The following CLXN variants were observed in gnomAD, a reference collection of about 807,000 sequenced individuals.
CLXN encodes the protein EF-hand calcium binding domain 1.
chr8:48,718,492 C>T, the CLXN span, among the ~76,000 whole-genome samples: 1 of 152,064 alleles, frequency 6.6e-6, no homozygotes, highest in East Asian at 1.9e-4. Context: ...ACAGAACTTT[C>T]TATCCAACAA....
At chr8:48,725,517 A>G in the CLXN span, among the ~76,000 whole-genome samples, 7 of 152,124 alleles carry the variant, frequency 4.6e-5, no homozygotes, top group African/African-American at 1.4e-4. Flanking sequence ...TAAAATTCTA[A>G]TGGGAGCCAG....
At chr8:48,716,868 G>C in the CLXN span, among the ~76,000 whole-genome samples, 3 of 152,304 alleles carry the variant, frequency 2.0e-5, no homozygotes, top group Middle Eastern at 0.01. Flanking sequence ...ATCAGAAGGA[G>C]AAGAGAAAGA....
At chr8:48,729,473 T>C in the CLXN span, among the ~76,000 whole-genome samples, 2 of 151,252 alleles carry the variant, frequency 1.3e-5, no homozygotes, top group African/African-American at 4.9e-5. Flanking sequence ...CAGTGAGCTG[T>C]GATCATGCTA....
chr8:48,711,348 T>C, the CLXN span: 1 of 152,218 alleles, frequency 6.6e-6, no homozygotes, highest in East Asian at 1.9e-4. Context: ...CAGGTGGTGG[T>C]CTCTACCTCT....
the CLXN span, among the ~76,000 whole-genome samples, chr8:48,726,405 C>T: frequency 6.7e-6 from 1 of 149,960 alleles, no homozygotes; most frequent in African/African-American, 2.5e-5. Context: ...ACCCATCCAT[C>T]TGCTCACCTC....
chr8:48,726,160 A>G, the CLXN span, among the ~76,000 whole-genome samples: 4 of 104,218 alleles, frequency 3.8e-5, no homozygotes, highest in Admixed American at 4.2e-4. Flanking sequence ...CCATCCACCC[A>G]CCCACCCCAT....
the CLXN span, chr8:48,711,319 C>T: frequency 6.6e-6 from 1 of 152,132 alleles, no homozygotes; most frequent in Non-Finnish European, 1.5e-5. Context: ...AGTCTGGCTT[C>T]CACCATTCTC....
At chr8:48,717,562 G>C in the CLXN span, among the ~76,000 whole-genome samples, 3 of 152,066 alleles carry the variant, frequency 2.0e-5, no homozygotes, top group Non-Finnish European at 4.4e-5. Flanking sequence ...ATAAAAACAT[G>C]GTAAGCAGCA....
the CLXN span, chr8:48,735,235 G>C: frequency 4.6e-6 from 7 of 1,508,380 alleles, no homozygotes; most frequent in Admixed American, 1.7e-5. Context: ...CGCGAGCCCT[G>C]GTGCTGGGTC....
chr8:48,719,614 A>G, the CLXN span, among the ~76,000 whole-genome samples: 11 of 152,244 alleles, frequency 7.2e-5, no homozygotes, highest in Admixed American at 6.5e-4. Flanking sequence ...ATGCTTCAGC[A>G]TATGCAAATC....
the CLXN span, chr8:48,724,263 C>T: frequency 6.6e-6 from 1 of 152,322 alleles, no homozygotes; most frequent in African/African-American, 2.4e-5. Context: ...AGATCTCCCT[C>T]AATGCCTACC....
the CLXN span, chr8:48,723,534 C>G: frequency 6.6e-6 from 1 of 152,188 alleles, no homozygotes; most frequent in Non-Finnish European, 1.5e-5. Context: ...CAACTAGCCT[C>G]TCAGTATTTA....
At chr8:48,733,747 T>C in the CLXN span, among the ~76,000 whole-genome samples, 1 of 152,200 alleles carries the variant, frequency 6.6e-6, no homozygotes, top group Non-Finnish European at 1.5e-5. Context: ...CCTTTAAAAA[T>C]ATACACTCAC....
the CLXN span, among the ~76,000 whole-genome samples, chr8:48,733,754 T>G: frequency 6.6e-6 from 1 of 152,166 alleles, no homozygotes; most frequent in African/African-American, 2.4e-5. Flanking sequence ...AAATATACAC[T>G]CACCTTTTGA....
the CLXN span, chr8:48,730,449 A>T: frequency 1.3e-6 from 1 of 746,248 alleles, no homozygotes. Context: ...CAACAAACCC[A>T]CTTTACTGTC....
At chr8:48,726,753 C>A in the CLXN span, among the ~76,000 whole-genome samples, 1 of 149,700 alleles carries the variant, frequency 6.7e-6, no homozygotes, top group East Asian at 2.0e-4. Flanking sequence ...ACCCATCCAT[C>A]CATCCATCTA....
At chr8:48,724,623 C>T in the CLXN span, 2 of 720,672 alleles carry the variant, frequency 2.8e-6, no homozygotes, top group Non-Finnish European at 4.4e-6. Flanking sequence ...GTAAGTGAAC[C>T]TCATCTTCAC....
the CLXN span, chr8:48,729,938 T>A: frequency 6.8e-7 from 1 of 1,470,212 alleles, no homozygotes; most frequent in Non-Finnish European, 9.2e-7. Flanking sequence ...TCTGATAAAC[T>A]TTTCAGGGCC....
chr8:48,730,640 G>T, the CLXN span: 2 of 1,598,224 alleles, frequency 1.3e-6, no homozygotes, highest in Non-Finnish European at 1.7e-6. Flanking sequence ...CAAAACCTCG[G>T]AATACTAAAG....
Sources: allele counts gnomAD v4.1 joint callset (sites outside exome capture counted in the v4.1 genomes callset), GRCh38; gene constraint gnomAD v4.1.1; transcripts MANE v1.5; gene names NCBI Gene and HGNC (gene_info 2026-07-23, HGNC 2026-07-21).